Variants in JAM3 observed in about 807,000 individuals in gnomAD.
JAM3 encodes junctional adhesion molecule 3.
JAM3 carries 31 observed loss-of-function variants against 39.4 expected under a neutral mutation model. The observed-to-expected ratio is 0.79, with a 90% confidence interval of 0.59 to 1.06. The LOEUF is 1.06. JAM3 is among the 50% of genes least tolerant of loss of function. The pLI, the probability that JAM3 is intolerant of heterozygous loss-of-function variation, is 0.00. For synonymous variants in JAM3, 182 were observed against 148.7 expected, an observed-to-expected ratio of 1.22 and a Z score of -1.63; for missense variants, 455 against 391.4, an observed-to-expected ratio of 1.16 and a Z score of -1.37.
chr11:134,137,061 C>T (rs999509150), intron 1 of JAM3, among the ~76,000 whole-genome samples: 4 of 150,188 alleles, frequency 2.7e-5, no homozygotes, highest in African/African-American at 9.9e-5. Flanking sequence ...TGCAGTGAGC[C>T]GAGGTTGCGC....
intron 1 of JAM3, among the ~76,000 whole-genome samples, chr11:134,107,825 G>A (rs750446279): frequency 6.6e-5 from 10 of 151,754 alleles, no homozygotes; most frequent in Non-Finnish European, 7.4e-5. Context: ...ATTACGCCAC[G>A]GCACTCTGGC....
chr11:134,116,665 A>G (rs1942439293), intron 1 of JAM3, among the ~76,000 whole-genome samples: 1 of 150,840 alleles, frequency 6.6e-6, no homozygotes, highest in Admixed American at 6.7e-5. Context: ...GATTCTTTTT[A>G]CTAGAGAATG....
Position 134,149,360 on chromosome 11 carries a change from G to T in JAM3, c.*179G>T, listed in dbSNP as rs1591811802. The T allele has an allele frequency of 2.8e-6, 2 of 704,774 alleles. No homozygotes were observed. Among genetic ancestry groups the T allele is most frequent in the African/African-American group, 1.8e-5 (1 of 56,638 alleles). The allele number at this position is 704,774 out of a possible 1,614,324, so 43.7% of individuals were successfully genotyped here. On this transcript the variant is annotated 3_prime_UTR_variant, in exon 9 of 9. Coordinates refer to ENST00000299106, the MANE Select transcript of JAM3 (RefSeq NM_032801.5). ...ACTCTAACAAGCCACATGAATAGAAGAATTTTCCTCAAGATGGACCCGGTA... is the reference window on the plus strand; with the variant it reads ...ACTCTAACAAGCCACATGAATAGAATAATTTTCCTCAAGATGGACCCGGTA...
chr11:134,149,288 C>G lies in JAM3; in HGVS notation c.*107C>G, dbSNP rs906723682. 7.4e-7 allele frequency: 1 copy of G among 1,353,290 alleles called. No homozygotes were observed. Among genetic ancestry groups the G allele is most frequent in the African/African-American group, 1.4e-5 (1 of 69,790 alleles). 83.8% of individuals were successfully genotyped at this position (1,353,290 alleles called of 1,614,324 possible). A position where few individuals can be genotyped will look rare whatever the true frequency, so the allele number is the denominator to read the frequency against. On this transcript the variant is annotated 3_prime_UTR_variant, in exon 9 of 9. Coordinates refer to ENST00000299106, the MANE Select transcript of JAM3 (RefSeq NM_032801.5). ...ATGCACTCGGACAGAGCTAGACACT[C>G]ATTCAGAAGCTTTTCGTTTTGGCCA...
chr11:134,100,401 T>G (rs1316015393), intron 1 of JAM3, among the ~76,000 whole-genome samples: 1 of 152,216 alleles, frequency 6.6e-6, no homozygotes, highest in African/African-American at 2.4e-5. Context: ...CAAACTCGCT[T>G]GCATTGATGG....
chr11:134,101,702 T>C lies in JAM3; in HGVS notation c.76+32543T>C, dbSNP rs556277663. On this transcript the variant is annotated intron_variant, in intron 1 of 8. Coordinates refer to ENST00000299106, the MANE Select transcript of JAM3 (RefSeq NM_032801.5). ...ATCTTAAAAACAAATCTGATCATAT[T>C]TCTCCCCTTATTTATTCTTTTTCCT... Among the ~76,000 whole-genome samples, 3 of 152,318 alleles carry C rather than the reference T, an allele frequency of 2.0e-5. No individual in the cohort carries two copies. In the South Asian group the frequency reaches 6.2e-4, roughly 32 times the overall value.
At chr11:134,110,643 T>G (rs1313104159) in intron 1 of JAM3, among the ~76,000 whole-genome samples, 4 of 151,224 alleles carry the variant, frequency 2.6e-5, no homozygotes, top group Admixed American at 2.6e-4. Context: ...GCAGATGGGG[T>G]GAATAAGGAA....
chr11:134,073,597 A>G (rs908255225), intron 1 of JAM3, among the ~76,000 whole-genome samples: 6 of 152,308 alleles, frequency 3.9e-5, no homozygotes, highest in Admixed American at 1.3e-4. Context: ...TTGAGTATCT[A>G]TGACGTGTCA....
intron 1 of JAM3, among the ~76,000 whole-genome samples, chr11:134,105,606 T>G (rs1942168678): frequency 6.6e-6 from 1 of 152,172 alleles, no homozygotes; most frequent in East Asian, 1.9e-4. Context: ...GAAAACCCCA[T>G]CATCTCAGCC....
At chr11:134,148,994 A>ACACACT (rs1270455448) in intron 8 of JAM3, 152 bp from the exon 9 acceptor site, 9 of 985,828 alleles carry the variant, frequency 9.1e-6, no homozygotes, top group Admixed American at 1.9e-5. Context: ...ACACACACAC[A>ACACACT]CTAATGGGAT....
intron 8 of JAM3, 84 bp downstream of exon 8, chr11:134,148,902 G>A: frequency 1.4e-6 from 2 of 1,410,616 alleles, no homozygotes; most frequent in Non-Finnish European, 2.0e-6. Context: ...GGGTCTCCTG[G>A]GAAGATTTCT....
intron 1 of JAM3, among the ~76,000 whole-genome samples, chr11:134,088,559 T>G (rs1941784921): frequency 1.3e-5 from 2 of 152,220 alleles, no homozygotes; most frequent in Non-Finnish European, 2.9e-5. Flanking sequence ...ACTTAAGTTG[T>G]ACAACCAATT....
chr11:134,147,626 A>G (rs943432630), intron 6 of JAM3, among the ~76,000 whole-genome samples: 1 of 151,658 alleles, frequency 6.6e-6, no homozygotes, highest in African/African-American at 2.4e-5. Context: ...AGCTGGGACT[A>G]CAGGCACCTG....
At chr11:134,081,859 G>C (rs757296336) in intron 1 of JAM3, among the ~76,000 whole-genome samples, 1 of 152,234 alleles carries the variant, frequency 6.6e-6, no homozygotes, top group East Asian at 1.9e-4. Context: ...ACACCAGCCC[G>C]TGAGAGCAGC....
At chr11:134,135,758 T>C (rs1364011428) in intron 1 of JAM3, among the ~76,000 whole-genome samples, 1 of 151,978 alleles carries the variant, frequency 6.6e-6, no homozygotes, top group African/African-American at 2.4e-5. Context: ...ATCTAGTATA[T>C]AATAAGAGAT....
chr11:134,139,967 T>A lies in JAM3; in HGVS notation c.142+51T>A, dbSNP rs576619340. Reference sequence around the variant, plus strand: ...TAATGGGCACCATCTACTGGACATTTGATGTCTTGCAGCCAACTCAGGACA... The same window carrying A: ...TAATGGGCACCATCTACTGGACATTAGATGTCTTGCAGCCAACTCAGGACA... On this transcript the variant is annotated intron_variant, in intron 2 of 8. Coordinates refer to ENST00000299106, the MANE Select transcript of JAM3 (RefSeq NM_032801.5). 1.4e-5 allele frequency: 20 copies of A among 1,391,484 alleles called. No homozygotes were observed. The East Asian group carries it at 4.3e-4, about 30-fold the overall frequency. The allele number at this position is 1,391,484 out of a possible 1,614,324, so 86.2% of individuals were successfully genotyped here. A position where few individuals can be genotyped will look rare whatever the true frequency, so the allele number is the denominator to read the frequency against.
At chr11:134,107,251 A>G (rs542209982) in intron 1 of JAM3, among the ~76,000 whole-genome samples, 1 of 152,258 alleles carries the variant, frequency 6.6e-6, no homozygotes, top group South Asian at 2.1e-4. Flanking sequence ...CAAACACCGC[A>G]TGTTGTCACT....
intron 1 of JAM3, among the ~76,000 whole-genome samples, chr11:134,111,317 G>GT (rs1411563604): frequency 6.6e-6 from 1 of 150,868 alleles, no homozygotes; most frequent in Non-Finnish European, 1.5e-5. Context: ...AATTTTTTTT[G>GT]TTTTTTAGTA....
At chr11:134,090,980 G>C (rs1276306957) in intron 1 of JAM3, among the ~76,000 whole-genome samples, 1 of 152,118 alleles carries the variant, frequency 6.6e-6, no homozygotes, top group Non-Finnish European at 1.5e-5. Context: ...TATTCCTCCT[G>C]TTAAGTACAT....
Sources: allele counts gnomAD v4.1 joint callset (sites outside exome capture counted in the v4.1 genomes callset), GRCh38; gene constraint gnomAD v4.1.1; transcripts MANE v1.5; gene names NCBI Gene and HGNC (gene_info 2026-07-23, HGNC 2026-07-21).